TXNL4A: variants seen among roughly 807,000 people sequenced by gnomAD.
TXNL4A encodes thioredoxin-like protein 4A.
A neutral mutation model predicts 14.6 loss-of-function variants in TXNL4A; 17 were observed. That is an observed-to-expected ratio of 1.16 (90% CI 0.80 to 1.74). The LOEUF (loss-of-function observed/expected upper bound fraction) is 1.74, where lower values mean the gene tolerates loss of function less well. Among genes scored for constraint, TXNL4A ranks in the 40% most tolerant of loss-of-function variants. TXNL4A has a pLI of 0.00. For missense variants in TXNL4A, 74 were observed against 195.2 expected (o/e 0.38, Z 3.70); for synonymous variants, 83 against 70.6 (o/e 1.18, Z -0.88).
chr18:79,990,826 C>T (rs1304501860), upstream of TXNL4A, among the ~76,000 whole-genome samples: 3 of 152,130 alleles, frequency 2.0e-5, no homozygotes, highest in East Asian at 1.9e-4. Context: ...AACTTTTGGC[C>T]GGGCGCGGTG....
At chr18:79,976,120 C>A (rs1456569337) in intron 2 of TXNL4A, among the ~76,000 whole-genome samples, 1 of 152,212 alleles carries the variant, frequency 6.6e-6, no homozygotes, top group Non-Finnish European at 1.5e-5. Flanking sequence ...ACGCCCAGAA[C>A]CACGGCAGTG....
At chr18:80,005,251 A>G (rs997360807) in intron 1 of TXNL4A, among the ~76,000 whole-genome samples, 8 of 152,210 alleles carry the variant, frequency 5.3e-5, no homozygotes, top group African/African-American at 1.9e-4. Flanking sequence ...CCTGGCCTCC[A>G]CCCACCAGAT....
intron 1 of TXNL4A, among the ~76,000 whole-genome samples, chr18:79,978,851 T>C (rs183975960): frequency 2.8e-3 from 419 of 151,846 alleles, no homozygotes; most frequent in African/African-American, 9.7e-3. Context: ...AATTTGTTCA[T>C]ATTATTTCTG....
At chr18:79,988,181 A>G in intron 1 of TXNL4A, 59 bp downstream of exon 1, 1 of 1,398,692 alleles carries the variant, frequency 7.1e-7, no homozygotes, top group Non-Finnish European at 9.5e-7. Flanking sequence ...CCGGCAGGGC[A>G]GAGGCGCGGG....
intron 1 of TXNL4A, among the ~76,000 whole-genome samples, chr18:80,005,032 G>A (rs1469466473): frequency 2.0e-5 from 3 of 152,222 alleles, no homozygotes; most frequent in South Asian, 2.1e-4. Context: ...GAATGAGCCC[G>A]CTTATGTGAA....
At chr18:79,988,728 T>C (rs1175020599), upstream of TXNL4A, 4 of 178,714 alleles carry the variant, frequency 2.2e-5, no homozygotes, top group African/African-American at 7.1e-5. Flanking sequence ...TCATAGCAGC[T>C]GTCGGAGTGG....
At position 79,982,286 on chromosome 18, in the gene TXNL4A, T is replaced by C. The variant is rs2051476204; in HGVS notation, c.154-4585A>G. Among the ~76,000 whole-genome samples, 7 of 152,170 alleles carry C rather than the reference T, an allele frequency of 4.6e-5. No individual in the cohort carries two copies. The highest frequency in any genetic ancestry group is 4.6e-4 in the Admixed American group (7 of 15,274). On this transcript the variant is annotated intron_variant, in intron 1 of 2. Coordinates refer to ENST00000269601, the MANE Select transcript of TXNL4A (RefSeq NM_006701.5). This position sits in a 1 kb window ranked among gnomAD's most constrained non-coding sequence, Gnocchi z 4.0. ...CACAGAGGACCTTTTCCACTTGGGA[T>C]TCTGGGCCATGTATTTATTTCTAAG...
At chr18:80,027,846 G>C (rs1162486202) in intron 1 of TXNL4A, among the ~76,000 whole-genome samples, 1 of 152,214 alleles carries the variant, frequency 6.6e-6, no homozygotes, top group Non-Finnish European at 1.5e-5. Flanking sequence ...TATTAACCCT[G>C]ACAGAGTGAG....
chr18:79,993,171 G>A (rs2145096542), upstream of TXNL4A, among the ~76,000 whole-genome samples: 1 of 152,314 alleles, frequency 6.6e-6, no homozygotes, highest in East Asian at 1.9e-4. This position sits in a 1 kb window ranked among gnomAD's most constrained non-coding sequence, Gnocchi z 4.4. Flanking sequence ...CCAGCCTGCA[G>A]CAGCTCTCCT....
intron 1 of TXNL4A, among the ~76,000 whole-genome samples, chr18:79,999,310 C>A (rs541903010): frequency 6.6e-6 from 1 of 151,910 alleles, no homozygotes; most frequent in Non-Finnish European, 1.5e-5. Context: ...CCGAGGCGGG[C>A]GGATCACATG....
chr18:79,986,599 T>G, intron 1 of TXNL4A: 1 of 985,418 alleles, frequency 1.0e-6, no homozygotes, highest in Non-Finnish European at 1.2e-6. Flanking sequence ...CCTAAACACT[T>G]ACATTAACAC....
chr18:79,978,134 T>C (rs997648156), intron 1 of TXNL4A, among the ~76,000 whole-genome samples: 5 of 152,148 alleles, frequency 3.3e-5, no homozygotes, highest in Non-Finnish European at 7.4e-5. Flanking sequence ...TCCGCCTCAC[T>C]TTACCATCTC....
intron 1 of TXNL4A, among the ~76,000 whole-genome samples, chr18:80,020,607 A>G (rs2051842269): frequency 1.3e-5 from 2 of 152,200 alleles, no homozygotes; most frequent in South Asian, 4.1e-4. Context: ...CATAAAGATT[A>G]AACGCCTTCC....
At position 79,988,506 on chromosome 18, in the gene TXNL4A, A is replaced by T. The variant is rs2051592877; in HGVS notation, c.-114T>A. ...CCGCCGCCCCCGGGCCCACGGACGAAATCCGGTCCCGCCCGCACACGCAAA... is the reference window on the plus strand; with the variant it reads ...CCGCCGCCCCCGGGCCCACGGACGATATCCGGTCCCGCCCGCACACGCAAA... On this transcript the variant is annotated 5_prime_UTR_variant, in exon 1 of 3. Transcript: ENST00000269601. 6.8e-6 allele frequency: 8 copies of T among 1,168,434 alleles called. No homozygotes were observed. The highest frequency in any genetic ancestry group is 6.8e-5 in the East Asian group (2 of 29,592). The allele number at this position is 1,168,434 out of a possible 1,614,324, so 72.4% of individuals were successfully genotyped here.
chr18:80,026,048 A>T (rs2051882236), intron 1 of TXNL4A, among the ~76,000 whole-genome samples: 1 of 152,244 alleles, frequency 6.6e-6, no homozygotes, highest in Non-Finnish European at 1.5e-5. Context: ...ATATTGTGAG[A>T]TGACAGCTGA....
chr18:79,973,593 G>A lies in TXNL4A; in HGVS notation c.*92C>T. On this transcript the variant is annotated 3_prime_UTR_variant, in exon 3 of 3. Transcript: ENST00000269601. ...ATCTCAGAGGTGCTCCAGCCCTGGA[G>A]CTTCCTGTATTTTCCAAAGGCTTTA... 1.3e-6 allele frequency: 2 copies of A among 1,488,172 alleles called. No individual in the cohort carries two copies. The highest frequency in any genetic ancestry group is 9.0e-7 in the Non-Finnish European group (1 of 1,113,556). 92.2% of individuals were successfully genotyped at this position (1,488,172 alleles called of 1,614,324 possible).
intron 1 of TXNL4A, chr18:79,986,872 T>C (rs1355774300): frequency 1.6e-6 from 1 of 629,766 alleles, no homozygotes; most frequent in Non-Finnish European, 2.0e-6. Flanking sequence ...TCTGCCCTTG[T>C]CCACTACAGC....
intron 1 of TXNL4A, among the ~76,000 whole-genome samples, chr18:80,025,698 G>C (rs2051880019): frequency 6.6e-6 from 1 of 152,238 alleles, no homozygotes; most frequent in Non-Finnish European, 1.5e-5. Flanking sequence ...CCAAGAATTT[G>C]AGCTCAGTAT....
intron 1 of TXNL4A, among the ~76,000 whole-genome samples, chr18:80,013,368 G>C (rs912938863): frequency 6.6e-6 from 1 of 151,530 alleles, no homozygotes; most frequent in Non-Finnish European, 1.5e-5. Context: ...TGATCCCCCC[G>C]CCTCGGCCTC....
Sources: gnomAD v4.1 joint callset for allele counts (sites outside exome capture counted in the v4.1 genomes callset) on GRCh38, gnomAD v4.1.1 for gene constraint, Gnocchi (gnomAD v3.1) non-coding constraint, MANE v1.5 for transcripts, NCBI Gene and HGNC (gene_info 2026-07-23, HGNC 2026-07-21) for gene names.